The following TMC2 variants were observed in gnomAD, a reference collection of about 807,000 sequenced individuals.
TMC2 encodes the protein transmembrane channel like 2.
TMC2 carries 102 observed loss-of-function variants against 105.9 expected under a neutral mutation model. That is an observed-to-expected ratio of 0.96 (90% CI 0.82 to 1.14). TMC2 has a LOEUF of 1.14. Among genes scored for constraint, TMC2 ranks in the 50% most tolerant of loss-of-function variants. The probability of loss-of-function intolerance (pLI) is 0.00; values close to 1 mark genes in which losing one functional copy is unlikely to be tolerated. For missense variants in TMC2, 1,093 were observed against 1,134.3 expected, an observed-to-expected ratio of 0.96 and a Z score of 0.52; for synonymous variants, 402 against 422.8, an observed-to-expected ratio of 0.95 and a Z score of 0.60.
At chr20:2,590,949 C>A (rs2086264001) in intron 7 of TMC2, among the ~76,000 whole-genome samples, 1 of 151,926 alleles carries the variant, frequency 6.6e-6, no homozygotes, top group African/African-American at 2.4e-5. Flanking sequence ...CAGAATATTT[C>A]TATGAGGAAC....
At chr20:2,556,994 GC>G (rs1395870083) in intron 2 of TMC2, among the ~76,000 whole-genome samples, 1 of 151,794 alleles carries the variant, frequency 6.6e-6, no homozygotes, top group South Asian at 2.1e-4. Context: ...TTTTCCTCCA[GC>G]TTTTTTCAAG....
intron 17 of TMC2, among the ~76,000 whole-genome samples, chr20:2,629,929 C>G (rs2086591489): frequency 6.6e-6 from 1 of 152,162 alleles, no homozygotes; most frequent in Admixed American, 6.5e-5. Flanking sequence ...ACAGAATTTA[C>G]TTGTTGTGAT....
At chr20:2,597,072 G>T in intron 9 of TMC2, 79 bp from the exon 10 acceptor site, 1 of 1,522,230 alleles carries the variant, frequency 6.6e-7, no homozygotes, top group South Asian at 1.2e-5. Flanking sequence ...CTGTGTCCGA[G>T]ACTGGCTAGG....
intron 4 of TMC2, among the ~76,000 whole-genome samples, chr20:2,571,474 G>A (rs1018374349): frequency 2.6e-5 from 4 of 152,120 alleles, no homozygotes; most frequent in African/African-American, 9.7e-5. Context: ...CAGTCAGAAT[G>A]GCTATTATTA....
Position 2,635,926 on chromosome 20 carries a change from C to T in TMC2, c.2307C>T (p.Phe769=). The change falls in exon 18 of 20, where the codon TTC becomes TTT. Residue 769 remains phenylalanine, a splice_region_variant and synonymous_variant. Transcript: ENST00000358864. ...TAGGAGGCATGCTTTTCTCTTGCAG[C>T]TTGGCCATTTACTACCTGAACTCAG... ...GLIIPAILLM[F]LAIYYLNSVS... is the part of the protein sequence containing the mutation. 6.2e-7 allele frequency: 1 copy of T among 1,613,756 alleles called. No individual in the cohort carries two copies. The highest frequency in any genetic ancestry group is 8.5e-7 in the Non-Finnish European group (1 of 1,179,666).
At chr20:2,549,226 T>G (rs1048944673) in intron 2 of TMC2, among the ~76,000 whole-genome samples, 3 of 152,164 alleles carry the variant, frequency 2.0e-5, no homozygotes, top group African/African-American at 7.2e-5. Flanking sequence ...GGCTAAATTT[T>G]TAGTTTTTTT....
intron 17 of TMC2, among the ~76,000 whole-genome samples, chr20:2,628,735 G>A (rs993905161): frequency 6.6e-6 from 1 of 152,174 alleles, no homozygotes; most frequent in African/African-American, 2.4e-5. Flanking sequence ...CAGCCATGCT[G>A]AACAGTGAGT....
intron 5 of TMC2, among the ~76,000 whole-genome samples, chr20:2,573,686 G>A (rs534187904): frequency 1.0e-4 from 15 of 148,678 alleles, no homozygotes; most frequent in African/African-American, 3.2e-4. Context: ...TCAGCCTCCC[G>A]AGTACCTGGG....
chr20:2,592,013 A>G lies in TMC2; in HGVS notation c.835-297A>G. ...TACTAAAAATACAAAACAGCCAGGC[A>G]TGTTGGCAGGCACCTGTAATCCCAG... On this transcript the variant is annotated intron_variant, in intron 7 of 19. Coordinates refer to ENST00000358864, the MANE Select transcript of TMC2 (RefSeq NM_080751.3). The surrounding 1 kb of genome is among the most constrained non-coding windows in gnomAD (Gnocchi z 4.9). Among the ~76,000 whole-genome samples, 1 of 152,088 alleles carries G rather than the reference A, an allele frequency of 6.6e-6. No homozygotes were observed. The highest frequency in any genetic ancestry group is 1.9e-4 in the East Asian group (1 of 5,170).
chr20:2,558,534 G>T lies in TMC2; in HGVS notation c.161G>T (p.Arg54Leu). 1 of 1,554,580 alleles carries T rather than the reference G, an allele frequency of 6.4e-7. No homozygotes were observed. Among genetic ancestry groups the T allele is most frequent in the South Asian group, 1.2e-5 (1 of 84,228 alleles). ...ACCCCAGGCAGGCGCGGAGCTCAGC[G>T]AAGCCAGAAGGAGCGCGCCGGGGGC... ...EGTPGRRGAQRSQKERAGGSP... is the reference protein window; with the variant it reads ...EGTPGRRGAQLSQKERAGGSP... Residue 54 changes from arginine (R) to leucine (L), a missense_variant, in exon 3 of 20, where the codon CGA becomes CTA. Physicochemically the swap from Arg to Leu is moderately radical, Grantham distance 102 (BLOSUM62 -2). Transcript: ENST00000358864. The surrounding 1 kb of genome is among the most constrained non-coding windows in gnomAD (Gnocchi z 4.6).
chr20:2,549,786 T>A (rs892818695), intron 2 of TMC2, among the ~76,000 whole-genome samples: 5 of 152,218 alleles, frequency 3.3e-5, no homozygotes, highest in Non-Finnish European at 1.5e-5. Flanking sequence ...AACTTCTCCT[T>A]GAGAGTTTCC....
At chr20:2,625,059 T>C (rs2086554724) in intron 17 of TMC2, among the ~76,000 whole-genome samples, 1 of 152,152 alleles carries the variant, frequency 6.6e-6, no homozygotes, top group East Asian at 1.9e-4. Flanking sequence ...GCCTAATGCC[T>C]AGAGCATAGC....
chr20:2,550,923 T>C (rs1015859395), intron 2 of TMC2, among the ~76,000 whole-genome samples: 1 of 152,252 alleles, frequency 6.6e-6, no homozygotes, highest in Non-Finnish European at 1.5e-5. Context: ...TTGATAATTA[T>C]GAATAAGGTG....
intron 2 of TMC2, among the ~76,000 whole-genome samples, chr20:2,548,976 A>AT (rs1217350408): frequency 6.6e-6 from 1 of 152,248 alleles, no homozygotes; most frequent in African/African-American, 2.4e-5. Context: ...CAAAGAAGGC[A>AT]TAGCTGTTTT....
In TMC2 at chr20:2,558,582, G is replaced by A. The variant is rs1035668319; in HGVS notation, c.209G>A (p.Arg70Gln). ...AGGSPSPGSP[R>Q]RKQTGRRRHR... ...GGCAGCCCAAGCCCGGGGTCTCCCCGGAGGAAGCAAACAGGGCGCAGGAGA... is the reference window on the plus strand; with the variant it reads ...GGCAGCCCAAGCCCGGGGTCTCCCCAGAGGAAGCAAACAGGGCGCAGGAGA... The change falls in exon 3 of 20, where the codon CGG becomes CAG. Residue 70 changes from arginine (R) to glutamine (Q), a missense_variant. By Grantham distance (43) the Arg-to-Gln change is conservative. Coordinates refer to ENST00000358864, the MANE Select transcript of TMC2 (RefSeq NM_080751.3). This position sits in a 1 kb window ranked among gnomAD's most constrained non-coding sequence, Gnocchi z 4.6. 7.4e-5 allele frequency: 115 copies of A among 1,553,790 alleles called. No homozygotes were observed. The highest frequency in any genetic ancestry group is 9.7e-5 in the Non-Finnish European group (111 of 1,148,374).
At chr20:2,555,548 T>C (rs545399094) in intron 2 of TMC2, among the ~76,000 whole-genome samples, 1 of 152,360 alleles carries the variant, frequency 6.6e-6, no homozygotes, top group South Asian at 2.1e-4. Flanking sequence ...GGGATTCTTA[T>C]AGACAGCATA....
intron 16 of TMC2, among the ~76,000 whole-genome samples, chr20:2,621,058 A>G (rs1241238393): frequency 6.6e-6 from 1 of 152,070 alleles, no homozygotes; most frequent in Non-Finnish European, 1.5e-5. Context: ...CTAAGTCACA[A>G]GTGTTCTTAT....
chr20:2,633,818 A>G (rs6050722), intron 17 of TMC2, among the ~76,000 whole-genome samples: 118,564 of 151,920 alleles, frequency 0.78, 46,366 homozygotes, highest in East Asian at 0.87. Flanking sequence ...TTCTTGCTGG[A>G]ATTTAGCTGT....
At chr20:2,639,528 C>G (rs4815443) in intron 19 of TMC2, among the ~76,000 whole-genome samples, 114,027 of 152,160 alleles carry the variant, frequency 0.75, 42,891 homozygotes, top group East Asian at 0.87. Flanking sequence ...ATGTGTATAA[C>G]AGGCCATGCC....
Sources: allele counts gnomAD v4.1 joint callset (sites outside exome capture counted in the v4.1 genomes callset), GRCh38; gene constraint gnomAD v4.1.1; non-coding constraint Gnocchi (gnomAD v3.1); transcripts MANE v1.5; gene names NCBI Gene and HGNC (gene_info 2026-07-23, HGNC 2026-07-21).